Variants in KIF21B observed in about 807,000 individuals in gnomAD.
KIF21B encodes the protein kinesin-like protein KIF21B.
Under a neutral mutation model 192.9 loss-of-function variants are expected in KIF21B, and 85 were observed. That is an observed-to-expected ratio of 0.44 (90% CI 0.37 to 0.53). KIF21B has a LOEUF of 0.53. KIF21B is among the 20% of genes least tolerant of loss of function. The probability of loss-of-function intolerance (pLI) is 0.00; values close to 1 mark genes in which losing one functional copy is unlikely to be tolerated. For missense variants in KIF21B, 1,716 were observed against 2,194.8 expected, an observed-to-expected ratio of 0.78 and a Z score of 4.36; for synonymous variants, 832 against 884.6, an observed-to-expected ratio of 0.94 and a Z score of 1.05.
rs1325857808 is a variant in KIF21B, at chr1:200,977,274, G to T, written c.4263C>A (p.Ser1421Arg). 6.2e-7 allele frequency: 1 copy of T among 1,614,110 alleles called. No homozygotes were observed. The highest frequency in any genetic ancestry group is 8.5e-7 in the Non-Finnish European group (1 of 1,180,024). The change falls in exon 31 of 35, where the codon AGC becomes AGA. Residue 1421 changes from serine to arginine, a missense_variant. Ser to Arg is a moderately radical substitution (Grantham distance 110). This residue lies in a region of KIF21B where 580 missense variants were observed against 775.5 expected (regional missense o/e 0.75). Transcript: ENST00000461742. Reference protein sequence around the residue: ...GEHQINQIALSPSGTMLYAAS... With the variant: ...GEHQINQIALRPSGTMLYAAS... ...CGGCGTACAGCATGGTGCCCGAAGG[G>T]CTGAGGGCGATCTGGTTGATCTGAT...
At chr1:200,987,249 A>G in intron 24 of KIF21B, 48 bp from the exon 25 acceptor site, 2 of 1,518,352 alleles carry the variant, frequency 1.3e-6, no homozygotes, top group Admixed American at 2.0e-5. Context: ...ATTGCATGGC[A>G]CATAAAGGGG....
At chr1:200,977,441 A>G in intron 30 of KIF21B, 65 bp from the exon 31 acceptor site, 1 of 1,552,770 alleles carries the variant, frequency 6.4e-7, no homozygotes, top group East Asian at 2.3e-5. Context: ...CAGGAAACCA[A>G]TAAAACGTCA....
chr1:200,974,213 G>A (rs199746242), intron 34 of KIF21B: 991 of 1,530,584 alleles, frequency 6.5e-4, no homozygotes, highest in Non-Finnish European at 8.3e-4. Flanking sequence ...GGAGAGAGGC[G>A]AGGACAGAGA....
chr1:200,985,623 C>T (rs112992629), intron 26 of KIF21B, among the ~76,000 whole-genome samples: 8 of 152,322 alleles, frequency 5.3e-5, no homozygotes, highest in African/African-American at 1.9e-4. Flanking sequence ...CCCTGAAAGT[C>T]ATCCTTCGAT....
chr1:200,984,468 T>G (rs540667130), intron 27 of KIF21B, among the ~76,000 whole-genome samples: 3 of 152,168 alleles, frequency 2.0e-5, no homozygotes, highest in Non-Finnish European at 4.4e-5. Flanking sequence ...GCTGGGAGAA[T>G]GCACAGAGAG....
At chr1:201,022,858 C>T (rs1188776870) in intron 1 of KIF21B, among the ~76,000 whole-genome samples, 1 of 152,248 alleles carries the variant, frequency 6.6e-6, no homozygotes, top group African/African-American at 2.4e-5. Context: ...CGTTGGTCCC[C>T]GCACCCGATC....
intron 1 of KIF21B, among the ~76,000 whole-genome samples, chr1:201,011,678 T>G (rs1290038490): frequency 1.3e-5 from 2 of 152,208 alleles, no homozygotes; most frequent in African/African-American, 2.4e-5. Flanking sequence ...GGCTAAGCAC[T>G]TCCTCTCAGA....
In KIF21B at chr1:201,023,310, CCG is replaced by C; in HGVS notation, c.41+31_41+32del. 1 of 1,517,058 alleles carries C rather than the reference CCG, an allele frequency of 6.6e-7. No individual in the cohort carries two copies. The highest frequency in any genetic ancestry group is 8.8e-7 in the Non-Finnish European group (1 of 1,132,740). The allele number at this position is 1,517,058 out of a possible 1,614,324, so 94.0% of individuals were successfully genotyped here. ...ACGCGAGACAAAGCCCGAGGCTTCT[CCG>C]CGCGCCCCCTTCCCCGCCCCGGGTC... is the stretch of plus-strand genomic sequence containing the variant. On this transcript the variant is annotated intron_variant, in intron 1 of 34. Coordinates refer to ENST00000461742, the MANE Select transcript of KIF21B (RefSeq NM_001252102.2). This position sits in a 1 kb window ranked among gnomAD's most constrained non-coding sequence, Gnocchi z 5.9.
chr1:201,005,257 CG>C (rs747904533), intron 5 of KIF21B, 50 bp downstream of exon 5: 3 of 1,514,490 alleles, frequency 2.0e-6, no homozygotes, highest in Non-Finnish European at 2.6e-6. Context: ...TTGCCCTTCC[CG>C]GGATACCCCT....
intron 1 of KIF21B, among the ~76,000 whole-genome samples, chr1:201,021,288 T>G (rs1237354891): frequency 6.6e-6 from 1 of 152,164 alleles, no homozygotes; most frequent in Non-Finnish European, 1.5e-5. Flanking sequence ...CACGGCCGGC[T>G]GCCCATTGAG....
chr1:200,995,483 C>T (rs2102423185), intron 15 of KIF21B, among the ~76,000 whole-genome samples: 1 of 152,338 alleles, frequency 6.6e-6, no homozygotes, highest in Middle Eastern at 3.4e-3. Context: ...ACTGGAAACA[C>T]AAGACTTGAG....
In KIF21B at chr1:200,990,350, G is replaced by A. The variant is rs375560946; in HGVS notation, c.2836-18C>T. 2 of 1,588,328 alleles carry A rather than the reference G, an allele frequency of 1.3e-6. No homozygotes were observed. Among genetic ancestry groups the A allele is most frequent in the Admixed American group, 1.8e-5 (1 of 56,790 alleles). On this transcript the variant is annotated intron_variant, in intron 19 of 34. Coordinates refer to ENST00000461742, the MANE Select transcript of KIF21B (RefSeq NM_001252102.2). This position sits in a 1 kb window ranked among gnomAD's most constrained non-coding sequence, Gnocchi z 5.4. The stretch of plus-strand genomic sequence containing the variant: ...TCCCTTTTCTGGGGTCAGAGGGGAG[G>A]GTGGTGATTGTGATGAAGGAGAGGC...
At chr1:200,977,961 C>T (rs1471504689) in intron 30 of KIF21B, among the ~76,000 whole-genome samples, 3 of 151,752 alleles carry the variant, frequency 2.0e-5, no homozygotes, top group African/African-American at 2.4e-5. Context: ...CTCGAACTCC[C>T]GACCTCAGGT....
At position 201,023,354 on chromosome 1, in the gene KIF21B, C is replaced by G. The variant is rs781118204; in HGVS notation, c.30G>C (p.Lys10Asn). 1 of 1,531,424 alleles carries G rather than the reference C, an allele frequency of 6.5e-7. No individual in the cohort carries two copies. The highest frequency in any genetic ancestry group is 8.8e-7 in the Non-Finnish European group (1 of 1,141,446). The allele number at this position is 1,531,424 out of a possible 1,614,324, so 94.9% of individuals were successfully genotyped here. A position where few individuals can be genotyped will look rare whatever the true frequency, so the allele number is the denominator to read the frequency against. ...CCCCGGGTCCCTACCTGACGGCCACCTTGACGCAGCAGTCCCCCTGGCCGG... is the reference window on the plus strand; with the variant it reads ...CCCCGGGTCCCTACCTGACGGCCACGTTGACGCAGCAGTCCCCCTGGCCGG... MAGQGDCCV[K>N]VAVRIRPQLS... Residue 10 changes from lysine to asparagine, a missense_variant, in exon 1 of 35, where the codon AAG (lysine) becomes AAC (asparagine). Lys to Asn is a moderately conservative substitution (Grantham distance 94). Transcript: ENST00000461742. The surrounding 1 kb of genome is among the most constrained non-coding windows in gnomAD (Gnocchi z 5.9).
intron 34 of KIF21B, 141 bp from the exon 35 acceptor site, chr1:200,973,719 G>C: frequency 6.7e-7 from 1 of 1,483,596 alleles, no homozygotes; most frequent in East Asian, 2.6e-5. Context: ...TGGCTTACGG[G>C]GAGGTGGACT....
chr1:201,009,423 C>T lies in KIF21B; in HGVS notation c.107G>A (p.Gly36Glu). Residue 36 changes from glycine (G) to glutamate (E), a missense_variant, in exon 2 of 35, where the codon GGA (glycine) becomes GAA (glutamate). Gly to Glu is a moderately conservative substitution (Grantham distance 98, BLOSUM62 -2). Around this residue, in one of 3 missense-constraint regions of KIF21B, gnomAD observed 1,087 missense variants for 1,316.6 expected, o/e 0.83. Coordinates refer to ENST00000461742, the MANE Select transcript of KIF21B (RefSeq NM_001252102.2). ...CTTCCCCAGCAGGACCTGGGGCTCT[C>T]CCGGGGTAACAGAGGTACAGATGTG... ...GCHICTSVTP[G>E]EPQVLLGKDK... 6.2e-7 allele frequency: 1 copy of T among 1,614,242 alleles called. No homozygotes were observed. Among genetic ancestry groups the T allele is most frequent in the Non-Finnish European group, 8.5e-7 (1 of 1,180,044 alleles).
intron 1 of KIF21B, among the ~76,000 whole-genome samples, chr1:201,012,977 A>T (rs944171097): frequency 1.3e-5 from 2 of 152,204 alleles, no homozygotes; most frequent in Non-Finnish European, 2.9e-5. Flanking sequence ...AATAAAATTC[A>T]TCCCACACCA....
Position 200,990,027 on chromosome 1 carries a change from G to A in KIF21B, c.3047C>T (p.Thr1016Ile). ...GGAGCTGATGACCACGGATGTGTCT[G>A]TGGAGTCCAGCTCCTCCTAGGACCG... ...LEETKEELDS[T>I]DTSVVISSCS... The change falls in exon 21 of 35, where the codon ACA becomes ATA. Residue 1016 changes from threonine to isoleucine, a missense_variant. Thr to Ile is a moderately conservative substitution (Grantham distance 89, BLOSUM62 -1). This residue lies in a region of KIF21B where 49 missense variants were observed against 102.6 expected (regional missense o/e 0.48). Transcript: ENST00000461742. The surrounding 1 kb of genome is among the most constrained non-coding windows in gnomAD (Gnocchi z 5.4). 6.2e-7 allele frequency: 1 copy of A among 1,613,934 alleles called. No homozygotes were observed. Among genetic ancestry groups the A allele is most frequent in the African/African-American group, 1.3e-5 (1 of 75,048 alleles).
chr1:201,017,314 T>C lies in KIF21B; in HGVS notation c.41+6029A>G, dbSNP rs1405274847. On this transcript the variant is annotated intron_variant, in intron 1 of 34. Coordinates refer to ENST00000461742, the MANE Select transcript of KIF21B (RefSeq NM_001252102.2). This position sits in a 1 kb window ranked among gnomAD's most constrained non-coding sequence, Gnocchi z 4.1. ...AGTTGGATATATCCCCAGCCTGCCA[T>C]TGGCCACACAAGCCTGGCTGTGAGC... Among the ~76,000 whole-genome samples, 4 of 152,294 alleles carry C rather than the reference T, an allele frequency of 2.6e-5. No homozygotes were observed. The highest frequency in any genetic ancestry group is 4.8e-5 in the African/African-American group (2 of 41,564).
Sources: allele counts gnomAD v4.1 joint callset (sites outside exome capture counted in the v4.1 genomes callset), GRCh38; gene constraint gnomAD v4.1.1; regional missense constraint gnomAD v4.1.1; non-coding constraint Gnocchi (gnomAD v3.1); transcripts MANE v1.5; gene names NCBI Gene and HGNC (gene_info 2026-07-23, HGNC 2026-07-21).